Variants in OSBPL10 observed in about 807,000 individuals in gnomAD.
The protein encoded by OSBPL10 is oxysterol-binding protein-related protein 10.
Under a neutral mutation model 81.7 loss-of-function variants are expected in OSBPL10, and 49 were observed. The ratio of observed to expected loss-of-function variants is 0.60; its 90% CI spans 0.48 to 0.76. The LOEUF is 0.76. Ranked by LOEUF, OSBPL10 falls within the 30% of genes least tolerant of loss-of-function variation. The probability of loss-of-function intolerance (pLI) is 0.00; values close to 1 mark genes in which losing one functional copy is unlikely to be tolerated. For missense variants in OSBPL10, 923 were observed against 987.8 expected, an observed-to-expected ratio of 0.93 and a Z score of 0.88; for synonymous variants, 419 against 383.6, an observed-to-expected ratio of 1.09 and a Z score of -1.08.
chr3:31,940,091 A>G (rs568851362), intron 1 of OSBPL10, among the ~76,000 whole-genome samples: 1 of 152,382 alleles, frequency 6.6e-6, no homozygotes, highest in South Asian at 2.1e-4. Flanking sequence ...CAAGAGAAAT[A>G]GAAATATATG....
chr3:31,904,528 A>G (rs1696347484), intron 1 of OSBPL10, among the ~76,000 whole-genome samples: 1 of 152,160 alleles, frequency 6.6e-6, no homozygotes, highest in African/African-American at 2.4e-5. Context: ...CAAAAATAAA[A>G]TTAAAATCTC....
chr3:31,912,088 C>T (rs1696595988), intron 1 of OSBPL10, among the ~76,000 whole-genome samples: 1 of 151,214 alleles, frequency 6.6e-6, no homozygotes, highest in South Asian at 2.1e-4. Context: ...CATAATAAAA[C>T]AATGTTTAAA....
chr3:31,807,500 C>T (rs532732580), intron 4 of OSBPL10, among the ~76,000 whole-genome samples: 7 of 151,462 alleles, frequency 4.6e-5, no homozygotes, highest in African/African-American at 1.7e-4. Flanking sequence ...GGCATGGTGG[C>T]TCATGCCTGT....
At chr3:31,956,751 A>G (rs1408802687) in intron 1 of OSBPL10, among the ~76,000 whole-genome samples, 1 of 151,616 alleles carries the variant, frequency 6.6e-6, no homozygotes, top group East Asian at 2.0e-4. Flanking sequence ...GGGGCCTTTC[A>G]TGGACCCTGG....
At chr3:31,736,181 A>T (rs559249634) in intron 5 of OSBPL10, among the ~76,000 whole-genome samples, 4 of 152,316 alleles carry the variant, frequency 2.6e-5, no homozygotes, top group African/African-American at 9.6e-5. Flanking sequence ...AGATGGAAAG[A>T]GTTTTGGAGA....
chr3:32,032,386 G>A (rs750584995), intron 2 of OSBPL10, among the ~76,000 whole-genome samples: 22 of 151,820 alleles, frequency 1.4e-4, no homozygotes, highest in Non-Finnish European at 2.6e-4. Flanking sequence ...CTCCAGCCTG[G>A]GCGACAGAGT....
intron 1 of OSBPL10, among the ~76,000 whole-genome samples, chr3:31,959,582 A>G (rs2125460120): frequency 6.6e-6 from 1 of 152,358 alleles, no homozygotes; most frequent in South Asian, 2.1e-4. Context: ...GTCTCAGGGC[A>G]TCAGCTAGAT....
At chr3:32,001,465 G>A (rs1699146498) in intron 2 of OSBPL10, among the ~76,000 whole-genome samples, 1 of 151,952 alleles carries the variant, frequency 6.6e-6, no homozygotes, top group African/African-American at 2.4e-5. Context: ...AATTTCAAAA[G>A]GTAAAATCCT....
chr3:31,965,875 A>G (rs1353390991), intron 1 of OSBPL10, among the ~76,000 whole-genome samples: 68 of 100,370 alleles, frequency 6.8e-4, no homozygotes, highest in Non-Finnish European at 1.1e-3. Flanking sequence ...TACATATTAT[A>G]TAAAATAGAT....
In OSBPL10 at chr3:31,661,477, C is replaced by T. The variant is rs1338186070; in HGVS notation, c.*595G>A. 1.3e-5 allele frequency: 2 copies of T among 152,246 alleles called. No homozygotes were observed. The highest frequency in any genetic ancestry group is 6.5e-5 in the Admixed American group (1 of 15,282). The allele number at this position is 152,246 out of a possible 1,614,324, so 9.4% of individuals were successfully genotyped here. A position where few individuals can be genotyped will look rare whatever the true frequency, so the allele number is the denominator to read the frequency against. The stretch of plus-strand genomic sequence containing the variant: ...GCATAAATCTTTAACAGCTTCCTGC[C>T]AACCCCCATCCAGCAGGAAATACTT... On this transcript the variant is annotated 3_prime_UTR_variant, in exon 12 of 12. Transcript: ENST00000396556.
intron 3 of OSBPL10, among the ~76,000 whole-genome samples, chr3:31,850,587 T>A (rs1222531668): frequency 6.6e-6 from 1 of 152,084 alleles, no homozygotes; most frequent in Non-Finnish European, 1.5e-5. Context: ...AAAACAAATG[T>A]GAGAAAAATT....
At chr3:31,709,753 A>C (rs1696193607) in intron 6 of OSBPL10, among the ~76,000 whole-genome samples, 1 of 152,202 alleles carries the variant, frequency 6.6e-6, no homozygotes, top group Admixed American at 6.5e-5. Context: ...GCTGCAAATC[A>C]AGCTTAGCAT....
At chr3:31,769,471 A>AAAC (rs1194743960) in intron 4 of OSBPL10, among the ~76,000 whole-genome samples, 3 of 31,310 alleles carry the variant, frequency 9.6e-5, no homozygotes, top group Admixed American at 5.5e-4. Context: ...AAAAAAAAAC[A>AAAC]AAAAAAAACA....
intron 1 of OSBPL10, among the ~76,000 whole-genome samples, chr3:31,885,338 AAG>A (rs1695703052): frequency 6.6e-6 from 1 of 152,100 alleles, no homozygotes; most frequent in Non-Finnish European, 1.5e-5. Context: ...TGGAGGCACC[AAG>A]AGTGTGACAC....
chr3:31,965,828 A>ATAGATAATATATATTAACTATT (rs1698370517), intron 1 of OSBPL10, among the ~76,000 whole-genome samples: 1 of 82,394 alleles, frequency 1.2e-5, no homozygotes, highest in African/African-American at 6.3e-5. Context: ...TATTATATAA[A>ATAGATAATATATATTAACTATT]TATATAATAT....
At chr3:32,028,852 A>T (rs1198241583) in intron 2 of OSBPL10, among the ~76,000 whole-genome samples, 1 of 151,686 alleles carries the variant, frequency 6.6e-6, no homozygotes, top group Admixed American at 6.6e-5. Context: ...GTCCCCTCCA[A>T]AACTCATGAC....
At chr3:31,809,943 T>C (rs1171862404) in intron 4 of OSBPL10, among the ~76,000 whole-genome samples, 3 of 148,122 alleles carry the variant, frequency 2.0e-5, no homozygotes, top group Non-Finnish European at 3.0e-5. Flanking sequence ...GTGATCTCGG[T>C]TCACCACAAC....
At chr3:31,918,456 G>A (rs1357527585) in intron 1 of OSBPL10, among the ~76,000 whole-genome samples, 1 of 152,010 alleles carries the variant, frequency 6.6e-6, no homozygotes, top group African/African-American at 2.4e-5. Context: ...AGCCTCCTGA[G>A]GAGTGAGCTA....
At chr3:32,032,767 G>A (rs923478530) in intron 2 of OSBPL10, among the ~76,000 whole-genome samples, 1 of 152,118 alleles carries the variant, frequency 6.6e-6, no homozygotes, top group African/African-American at 2.4e-5. Flanking sequence ...CTAGGATAAC[G>A]AATTGTGTTA....
Sources: allele counts gnomAD v4.1 joint callset (sites outside exome capture counted in the v4.1 genomes callset), GRCh38; gene constraint gnomAD v4.1.1; transcripts MANE v1.5; gene names NCBI Gene and HGNC (gene_info 2026-07-23, HGNC 2026-07-21).